PDCD11: variants seen among roughly 807,000 people sequenced by gnomAD.
PDCD11 encodes programmed cell death 11, also known as protein RRP5 homolog.
A neutral mutation model predicts 198.9 loss-of-function variants in PDCD11; 97 were observed. The observed-to-expected ratio is 0.49, with a 90% confidence interval of 0.41 to 0.58. PDCD11 has a LOEUF of 0.58. Ranked by LOEUF, PDCD11 falls within the 20% of genes least tolerant of loss-of-function variation. The pLI is 0.00. For missense variants in PDCD11, 2,102 were observed against 2,312.7 expected (o/e 0.91, Z 1.87); for synonymous variants, 893 against 918.0 (o/e 0.97, Z 0.49).
At chr10:103,444,424 A>G in intron 34 of PDCD11, 93 bp from the exon 35 acceptor site, 1 of 1,237,538 alleles carries the variant, frequency 8.1e-7, no homozygotes, top group Admixed American at 1.8e-5. Flanking sequence ...ACCCAAGAGC[A>G]GGGAGTCAGG....
chr10:103,432,413 T>G (rs2031974601), intron 22 of PDCD11, among the ~76,000 whole-genome samples, 179 bp downstream of exon 22: 1 of 152,228 alleles, frequency 6.6e-6, no homozygotes, highest in Admixed American at 6.5e-5. Flanking sequence ...ATTAGGGAGC[T>G]AAAATATGGC....
At chr10:103,431,986 T>C (rs2031953837) in intron 21 of PDCD11, 143 bp from the exon 22 acceptor site, 1 of 604,210 alleles carries the variant, frequency 1.7e-6, no homozygotes. Flanking sequence ...CATTCCCCTT[T>C]GAGGAGAGAA....
chr10:103,419,834 G>C, intron 16 of PDCD11, 126 bp downstream of exon 16: 1 of 834,980 alleles, frequency 1.2e-6, no homozygotes, highest in Non-Finnish European at 1.8e-6. Flanking sequence ...CTGTCGCCCA[G>C]GCTGGCTTGC....
intron 14 of PDCD11, 120 bp downstream of exon 14, chr10:103,418,052 T>G: frequency 2.6e-6 from 3 of 1,166,884 alleles, no homozygotes; most frequent in Non-Finnish European, 2.5e-6. Flanking sequence ...GATAAGATTT[T>G]GGGGCTAGAG....
In PDCD11 at chr10:103,413,331, G is replaced by A; in HGVS notation, c.1185+9G>A. ...TTCTGGCCTATGCCCGGGTAAGGAG[G>A]CCTCTTTGTTTGGTCAGGGATCTTA... On this transcript the variant is annotated intron_variant, in intron 9 of 35. Transcript: ENST00000369797. 1 of 1,611,712 alleles carries A rather than the reference G, an allele frequency of 6.2e-7. No individual in the cohort carries two copies. The highest frequency in any genetic ancestry group is 8.5e-7 in the Non-Finnish European group (1 of 1,177,872).
chr10:103,434,642 G>A (rs1167459161), intron 24 of PDCD11, 156 bp from the exon 25 acceptor site: 1 of 626,606 alleles, frequency 1.6e-6, no homozygotes, highest in African/African-American at 1.8e-5. Flanking sequence ...TTGGCTACAT[G>A]GCAGGGTGAT....
intron 12 of PDCD11, 95 bp downstream of exon 12, chr10:103,415,246 T>A: frequency 8.0e-7 from 1 of 1,257,754 alleles, no homozygotes; most frequent in Non-Finnish European, 1.1e-6. Flanking sequence ...AGTGAGTGTG[T>A]AATGTCTGTA....
intron 7 of PDCD11, 92 bp downstream of exon 7, chr10:103,406,882 G>T (rs2030487771): frequency 9.9e-7 from 1 of 1,009,686 alleles, no homozygotes; most frequent in Non-Finnish European, 1.4e-6. Context: ...GTCTGATAAA[G>T]GTAGTCACTA....
chr10:103,421,827 C>T (rs1462280397), intron 17 of PDCD11, among the ~76,000 whole-genome samples: 6 of 150,528 alleles, frequency 4.0e-5, no homozygotes, highest in Admixed American at 6.6e-5. Context: ...ATTAGCCGGG[C>T]GCGGTGGCGG....
intron 11 of PDCD11, 112 bp downstream of exon 11, chr10:103,414,442 T>A (rs2030988471): frequency 1.4e-6 from 1 of 709,086 alleles, no homozygotes; most frequent in East Asian, 2.7e-5. Context: ...GAATGTCATG[T>A]TCCTTGCTTC....
At chr10:103,399,588 C>G (rs2093453681) in intron 2 of PDCD11, 1 of 152,274 alleles carries the variant, frequency 6.6e-6, no homozygotes, top group Non-Finnish European at 1.5e-5. Flanking sequence ...CTCACCTAGA[C>G]TAGGCTGTGC....
In PDCD11 at chr10:103,417,926, T is replaced by C; in HGVS notation, c.1905T>C (p.Ile635=). The change falls in exon 14 of 36, where the codon ATT becomes ATC. Residue 635 remains isoleucine, a synonymous_variant. Coordinates refer to ENST00000369797, the MANE Select transcript of PDCD11 (RefSeq NM_014976.2). The part of the protein sequence containing the change: ...HSQKKGKAIN[I]GQLVDVKVLE... ...AGAAGAAAGGAAAAGCCATTAACATTGGGCAGGTACGTGGACTTCTCTGGA... is the reference window on the plus strand; with the variant it reads ...AGAAGAAAGGAAAAGCCATTAACATCGGGCAGGTACGTGGACTTCTCTGGA... 1 of 1,614,040 alleles carries C rather than the reference T, an allele frequency of 6.2e-7. No individual in the cohort carries two copies. The highest frequency in any genetic ancestry group is 1.1e-5 in the South Asian group (1 of 91,078).
At chr10:103,426,318 C>G (rs1304488440) in intron 20 of PDCD11, among the ~76,000 whole-genome samples, 1 of 152,124 alleles carries the variant, frequency 6.6e-6, no homozygotes, top group Non-Finnish European at 1.5e-5. Flanking sequence ...ATAACAAGAA[C>G]AGCAAAAAAA....
Position 103,432,253 on chromosome 10 carries a change from C to A in PDCD11, c.3474+19C>A. ...AAAGAAAGTAAGTAGTTTTGCCACT[C>A]GGCAATGAGATGTCATTCTTCTTTC... On this transcript the variant is annotated intron_variant, in intron 22 of 35. Coordinates refer to ENST00000369797, the MANE Select transcript of PDCD11 (RefSeq NM_014976.2). 1 of 1,482,854 alleles carries A rather than the reference C, an allele frequency of 6.7e-7. No individual in the cohort carries two copies. Among genetic ancestry groups the A allele is most frequent in the South Asian group, 1.1e-5 (1 of 88,410 alleles). The allele number at this position is 1,482,854 out of a possible 1,614,324, so 91.9% of individuals were successfully genotyped here. A position where few individuals can be genotyped will look rare whatever the true frequency, so the allele number is the denominator to read the frequency against.
At chr10:103,402,106 T>G (rs1351348624) in intron 3 of PDCD11, among the ~76,000 whole-genome samples, 1 of 152,234 alleles carries the variant, frequency 6.6e-6, no homozygotes, top group Non-Finnish European at 1.5e-5. Context: ...TTGAAAGTAC[T>G]GATAGCAGAA....
chr10:103,403,720 T>C (rs2030261699), intron 4 of PDCD11, among the ~76,000 whole-genome samples: 1 of 152,166 alleles, frequency 6.6e-6, no homozygotes, highest in African/African-American at 2.4e-5. Flanking sequence ...GCATAACGTG[T>C]AGATTGAAGA....
intron 32 of PDCD11, 123 bp from the exon 33 acceptor site, chr10:103,443,042 G>C (rs1157832628): frequency 2.6e-6 from 2 of 764,466 alleles, no homozygotes; most frequent in Non-Finnish European, 4.1e-6. Context: ...GTCTACATTT[G>C]GGGTGGGATC....
In PDCD11 at chr10:103,419,713, G is replaced by A; in HGVS notation, c.2277+5G>A. ...AGCGGACTGGCCCCAAAAGCTGTAA[G>A]TTCAACTCCATGTACAAGGGCTTTG... On this transcript the variant is annotated splice_donor_5th_base_variant and intron_variant, in intron 16 of 35. Coordinates refer to ENST00000369797, the MANE Select transcript of PDCD11 (RefSeq NM_014976.2). 1 of 1,613,598 alleles carries A rather than the reference G, an allele frequency of 6.2e-7. No homozygotes were observed. Among genetic ancestry groups the A allele is most frequent in the Non-Finnish European group, 8.5e-7 (1 of 1,179,678 alleles).
chr10:103,414,273 T>C lies in PDCD11; in HGVS notation c.1314T>C (p.Ser438=), dbSNP rs142809675. ...CTGTGTTTTCTCCTTGTCCTAGGTC[T>C]ATTATTGAAGCTCAGTACCTTAGAT... is the stretch of plus-strand genomic sequence containing the variant. ...DELALLSLRT[S]IIEAQYLRYH... The change falls in exon 11 of 36, where the codon TCT becomes TCC. Residue 438 remains serine, a synonymous_variant. Transcript: ENST00000369797. 225 of 1,613,606 alleles carry C rather than the reference T, an allele frequency of 1.4e-4. 1 individual carries two copies. The African/African-American group carries it at 2.6e-3, about 18-fold the overall frequency.
Sources: gnomAD v4.1 joint callset for allele counts (sites outside exome capture counted in the v4.1 genomes callset) on GRCh38, gnomAD v4.1.1 for gene constraint, MANE v1.5 for transcripts, NCBI Gene and HGNC (gene_info 2026-07-23, HGNC 2026-07-21) for gene names.